ZFHX3: variants seen among roughly 807,000 people sequenced by gnomAD.
ZFHX3 encodes zinc finger homeobox protein 3.
A neutral mutation model predicts 279.1 loss-of-function variants in ZFHX3; 42 were observed. That is an observed-to-expected ratio of 0.15 (90% CI 0.12 to 0.19). ZFHX3 has a LOEUF of 0.19. Among genes scored for constraint, ZFHX3 ranks in the 10% least tolerant of loss-of-function variants. ZFHX3 has a pLI of 1.00. For synonymous variants in ZFHX3, 2,293 were observed against 1,957.8 expected (o/e 1.17, Z -4.52); for missense variants, 4,981 against 4,754.0 (o/e 1.05, Z -1.40).
At chr16:73,799,715 G>A (rs965094094) in intron 1 of ZFHX3, among the ~76,000 whole-genome samples, 1 of 152,176 alleles carries the variant, frequency 6.6e-6, no homozygotes, top group Non-Finnish European at 1.5e-5. Context: ...GGGGAAATCA[G>A]ACAGAATCAA....
chr16:73,572,335 G>C (rs1176872342), intron 2 of ZFHX3, among the ~76,000 whole-genome samples: 3 of 152,138 alleles, frequency 2.0e-5, no homozygotes, highest in African/African-American at 7.2e-5. Context: ...GCATTCAGCT[G>C]TCTTCAGTTC....
chr16:73,379,738 G>C (rs1316473865), intron 3 of ZFHX3, among the ~76,000 whole-genome samples: 1 of 152,144 alleles, frequency 6.6e-6, no homozygotes, highest in Non-Finnish European at 1.5e-5. Flanking sequence ...AGGTAATAAG[G>C]GACAAAGGGT....
At chr16:73,431,472 T>C (rs2017910271) in intron 3 of ZFHX3, among the ~76,000 whole-genome samples, 2 of 151,896 alleles carry the variant, frequency 1.3e-5, no homozygotes, top group Admixed American at 1.3e-4. Context: ...ACCCAGGAGG[T>C]GTACGTTGCA....
chr16:72,784,946 G>A lies in ZFHX3; in HGVS notation c.*2218C>T, dbSNP rs1318901599. The stretch of plus-strand genomic sequence containing the variant: ...AAAAAAGAAAAAAAATCCATTTTCA[G>A]ATCTTGGAATGCTCCAGTCTTTTGC... On this transcript the variant is annotated 3_prime_UTR_variant, in exon 10 of 10. Coordinates refer to ENST00000268489, the MANE Select transcript of ZFHX3 (RefSeq NM_006885.4). 1 of 152,518 alleles carries A rather than the reference G, an allele frequency of 6.6e-6. No individual in the cohort carries two copies. Among genetic ancestry groups the A allele is most frequent in the African/African-American group, 2.4e-5 (1 of 41,442 alleles). 9.4% of individuals were successfully genotyped at this position (152,518 alleles called of 1,614,324 possible). A position where few individuals can be genotyped will look rare whatever the true frequency, so the allele number is the denominator to read the frequency against.
Position 72,793,373 on chromosome 16 carries a change from G to A in ZFHX3, c.9309C>T (p.Asn3103=), listed in dbSNP as rs546349532. ...LAAQQQGMFD[N]TPLQALNLPT... The stretch of plus-strand genomic sequence containing the variant: ...GAAGGTTAAGGGCCTGAAGAGGGGT[G>A]TTGTCAAACATCCCTTGCTGCTGAG... The change falls in exon 9 of 10, where the codon AAC becomes AAT. Residue 3103 remains asparagine (N), a synonymous_variant. Transcript: ENST00000268489. This position sits in a 1 kb window ranked among gnomAD's most constrained non-coding sequence, Gnocchi z 4.3. 6.2e-7 allele frequency: 1 copy of A among 1,614,216 alleles called. No individual in the cohort carries two copies. The highest frequency in any genetic ancestry group is 1.3e-5 in the African/African-American group (1 of 75,056).
intron 2 of ZFHX3, among the ~76,000 whole-genome samples, chr16:73,616,129 G>T (rs1202396049): frequency 6.6e-6 from 1 of 151,904 alleles, no homozygotes; most frequent in Non-Finnish European, 1.5e-5. Context: ...GCTCTCTGTT[G>T]TCAACTAGAG....
At chr16:73,583,549 T>C (rs2051883963) in intron 2 of ZFHX3, among the ~76,000 whole-genome samples, 1 of 152,208 alleles carries the variant, frequency 6.6e-6, no homozygotes, top group Non-Finnish European at 1.5e-5. Flanking sequence ...CAAAGAAATT[T>C]TGCCATTCTC....
intron 1 of ZFHX3, among the ~76,000 whole-genome samples, chr16:73,738,196 G>C (rs1278551841): frequency 1.3e-5 from 2 of 152,184 alleles, no homozygotes; most frequent in Non-Finnish European, 2.9e-5. Context: ...AAACAAGTAA[G>C]TTAATTTCCT....
At chr16:72,891,008 A>C (rs2038760266) in intron 3 of ZFHX3, among the ~76,000 whole-genome samples, 1 of 152,254 alleles carries the variant, frequency 6.6e-6, no homozygotes, top group Non-Finnish European at 1.5e-5. Context: ...TAGGTCAGGA[A>C]CATGGAGCCG....
intron 7 of ZFHX3, among the ~76,000 whole-genome samples, chr16:72,810,656 A>T (rs535297749): frequency 1.3e-5 from 2 of 152,148 alleles, no homozygotes; most frequent in Non-Finnish European, 2.9e-5. Flanking sequence ...AGTTGTAGCA[A>T]TATCATGTTC....
At chr16:73,707,545 A>C (rs1328442575) in intron 1 of ZFHX3, among the ~76,000 whole-genome samples, 1 of 140,336 alleles carries the variant, frequency 7.1e-6, no homozygotes, top group Admixed American at 7.6e-5. Context: ...AACAATGAGA[A>C]CACAGGGACA....
At chr16:73,782,284 C>T (rs1198244755) in intron 1 of ZFHX3, among the ~76,000 whole-genome samples, 2 of 152,170 alleles carry the variant, frequency 1.3e-5, no homozygotes, top group African/African-American at 2.4e-5. Context: ...AGGTAGTGAC[C>T]TACAAGGCAG....
intron 4 of ZFHX3, among the ~76,000 whole-genome samples, chr16:73,278,464 A>T (rs1437150786): frequency 6.6e-6 from 1 of 152,196 alleles, no homozygotes; most frequent in African/African-American, 2.4e-5. Context: ...GGGACCATCA[A>T]GGTGAGTGTC....
At chr16:72,917,639 A>G (rs1350063824) in intron 3 of ZFHX3, among the ~76,000 whole-genome samples, 1 of 152,252 alleles carries the variant, frequency 6.6e-6, no homozygotes, top group Non-Finnish European at 1.5e-5. Context: ...AGCCAGTTAC[A>G]AGATACACAC....
At chr16:73,421,102 T>C (rs1230989073) in intron 3 of ZFHX3, 2 of 152,174 alleles carry the variant, frequency 1.3e-5, no homozygotes, top group Non-Finnish European at 2.9e-5. Flanking sequence ...TGCCAGTTGA[T>C]ACCACAGCAG....
intron 2 of ZFHX3, among the ~76,000 whole-genome samples, chr16:73,675,988 T>C (rs1383618796): frequency 2.0e-5 from 3 of 152,076 alleles, no homozygotes; most frequent in Non-Finnish European, 4.4e-5. Context: ...CACAAATGTG[T>C]GAACTCAGAA....
At chr16:73,275,936 A>T (rs2014284799) in intron 4 of ZFHX3, among the ~76,000 whole-genome samples, 1 of 152,126 alleles carries the variant, frequency 6.6e-6, no homozygotes. Context: ...TATGGACCGT[A>T]TCCTTTGCTC....
At chr16:73,648,183 A>G (rs1597046174) in intron 2 of ZFHX3, among the ~76,000 whole-genome samples, 2 of 152,212 alleles carry the variant, frequency 1.3e-5, no homozygotes, top group Non-Finnish European at 2.9e-5. Flanking sequence ...TGTGCAGGAT[A>G]TATCTATATG....
rs141397646 is a variant in ZFHX3 at position 73,402,372 on chromosome 16, T to A, written c.-1291+53631A>T. On this transcript the variant is annotated intron_variant, in intron 3 of 17. Coordinates refer to the ZFHX3 transcript ENST00000641206. ...CTAGCATGAAGGGCAACTTGGTAGT[T>A]GTTTTTGTTGCTAATATCCAATTCC... 5.9e-5 allele frequency: 9 copies of A among 152,350 alleles called. No individual in the cohort carries two copies. In the East Asian group the frequency reaches 9.6e-4, roughly 16 times the overall value. The allele number at this position is 152,350 out of a possible 1,614,324, so 9.4% of individuals were successfully genotyped here.
Sources: gnomAD v4.1 joint callset for allele counts (sites outside exome capture counted in the v4.1 genomes callset) on GRCh38, gnomAD v4.1.1 for gene constraint, Gnocchi (gnomAD v3.1) non-coding constraint, MANE v1.5 for transcripts, NCBI Gene and HGNC (gene_info 2026-07-23, HGNC 2026-07-21) for gene names.